The following KCNH1 variants were observed in gnomAD, a reference collection of about 807,000 sequenced individuals.
KCNH1 encodes voltage-gated delayed rectifier potassium channel KCNH1.
Under a neutral mutation model 69.2 loss-of-function variants are expected in KCNH1, and 27 were observed. The ratio of observed to expected loss-of-function variants is 0.39; its 90% CI spans 0.29 to 0.54. KCNH1 has a LOEUF of 0.54. KCNH1 is among the 20% of genes least tolerant of loss of function. The probability of loss-of-function intolerance (pLI) is 0.68; values close to 1 mark genes in which losing one functional copy is unlikely to be tolerated. For missense variants in KCNH1, 798 were observed against 1,261.6 expected, an observed-to-expected ratio of 0.63 and a Z score of 5.57; for synonymous variants, 456 against 487.7, an observed-to-expected ratio of 0.93 and a Z score of 0.86.
intron 7 of KCNH1, among the ~76,000 whole-genome samples, chr1:210,839,469 TA>T (rs767592432): frequency 1.1e-4 from 16 of 152,154 alleles, no homozygotes; most frequent in Non-Finnish European, 2.2e-4. Context: ...GAAGACTAGC[TA>T]ATGGATGCTG....
chr1:211,080,481 G>T (rs1690831435), intron 5 of KCNH1, among the ~76,000 whole-genome samples: 1 of 152,092 alleles, frequency 6.6e-6, no homozygotes, highest in African/African-American at 2.4e-5. Flanking sequence ...TAAAGTTCAT[G>T]TGGAACCAAA....
intron 6 of KCNH1, among the ~76,000 whole-genome samples, chr1:211,012,420 A>G (rs1439895463): frequency 6.6e-6 from 1 of 152,186 alleles, no homozygotes; most frequent in Non-Finnish European, 1.5e-5. Flanking sequence ...TGCTATTGCT[A>G]AATAAATCAT....
intron 1 of KCNH1, among the ~76,000 whole-genome samples, chr1:211,116,951 T>C (rs530808715): frequency 6.6e-6 from 1 of 152,270 alleles, no homozygotes; most frequent in African/African-American, 2.4e-5. Flanking sequence ...CAGTCTTCCA[T>C]TGAGTAAAAA....
chr1:210,987,149 ACTTCTC>A lies in KCNH1; in HGVS notation c.1032+31628_1032+31633del, dbSNP rs1282360910. On this transcript the variant is annotated intron_variant, in intron 6 of 10. Coordinates refer to ENST00000271751, the MANE Select transcript of KCNH1 (RefSeq NM_172362.3). ...TTCAGCTCCATCAGGTCCTTTAAGGACTTCTCTGCATTGGTTATTCTAGTTAGCCAT... is the reference window on the plus strand; with the variant it reads ...TTCAGCTCCATCAGGTCCTTTAAGGATGCATTGGTTATTCTAGTTAGCCAT... Among the ~76,000 whole-genome samples the A allele has an allele frequency of 3.3e-5, 5 of 151,936 alleles. No homozygotes were observed. In the East Asian group the frequency reaches 9.7e-4, roughly 29 times the overall value.
At chr1:211,023,973 G>A (rs547775663) in intron 5 of KCNH1, among the ~76,000 whole-genome samples, 43 of 152,228 alleles carry the variant, frequency 2.8e-4, no homozygotes, top group African/African-American at 8.9e-4. Flanking sequence ...AATGAAAAAT[G>A]TTTGAGGTGA....
At chr1:210,973,605 T>C (rs554075837) in intron 6 of KCNH1, among the ~76,000 whole-genome samples, 76 of 152,316 alleles carry the variant, frequency 5.0e-4, no homozygotes, top group African/African-American at 1.7e-3. Context: ...TGTAATTTCA[T>C]TGACCTTACC....
At chr1:210,853,946 C>CAAAAAAAAAAAAAAAACAAAAAAA (rs1685767518) in intron 7 of KCNH1, among the ~76,000 whole-genome samples, 2 of 61,534 alleles carry the variant, frequency 3.3e-5, no homozygotes, top group African/African-American at 7.4e-5. Context: ...TTATCTAAGC[C>CAAAAAAAAAAAAAAAACAAAAAAA]AAAAAAAAAA....
chr1:210,735,386 A>G (rs1305542580), intron 10 of KCNH1, among the ~76,000 whole-genome samples: 1 of 151,712 alleles, frequency 6.6e-6, no homozygotes, highest in African/African-American at 2.4e-5. Context: ...AAAGACATTC[A>G]ACAAATGTTT....
chr1:210,826,837 A>G (rs1445289829), intron 7 of KCNH1, among the ~76,000 whole-genome samples: 1 of 152,208 alleles, frequency 6.6e-6, no homozygotes, highest in African/African-American at 2.4e-5. Context: ...CCAGTGAGCA[A>G]TTACCTATCC....
chr1:210,704,065 C>T (rs1443585014), intron 10 of KCNH1, among the ~76,000 whole-genome samples: 1 of 152,124 alleles, frequency 6.6e-6, no homozygotes, highest in Non-Finnish European at 1.5e-5. Context: ...AATGCCAGGG[C>T]AAGGAGAGGT....
intron 7 of KCNH1, among the ~76,000 whole-genome samples, chr1:210,864,547 G>A (rs967524308): frequency 1.3e-5 from 2 of 152,142 alleles, no homozygotes; most frequent in Admixed American, 6.5e-5. Context: ...AACACTCAAC[G>A]GATGGTAACC....
At chr1:210,793,586 G>A (rs1172096986) in intron 9 of KCNH1, among the ~76,000 whole-genome samples, 7 of 152,050 alleles carry the variant, frequency 4.6e-5, no homozygotes, top group Non-Finnish European at 5.9e-5. Flanking sequence ...CCTTTTCTTC[G>A]TTCTTGGCAT....
rs756365509 is a variant in KCNH1 at position 210,797,689 on chromosome 1, C to T, written c.1734G>A (p.Glu578=). Residue 578 remains glutamate, a synonymous_variant, in exon 9 of 11, where the codon GAG becomes GAA. Coordinates refer to ENST00000271751, the MANE Select transcript of KCNH1 (RefSeq NM_172362.3). ...CVHLNRKVFK[E]HPAFRLASDG... ...CACTGGCCAGCCGGAAGGCCGGGTGCTCCTTGAACACCTTGCGGTTCAGGT... is the reference window on the plus strand; with the variant it reads ...CACTGGCCAGCCGGAAGGCCGGGTGTTCCTTGAACACCTTGCGGTTCAGGT... 1 of 1,614,256 alleles carries T rather than the reference C, an allele frequency of 6.2e-7. No homozygotes were observed. The highest frequency in any genetic ancestry group is 1.1e-5 in the South Asian group (1 of 91,084).
chr1:210,719,688 G>A (rs894781029), intron 10 of KCNH1, among the ~76,000 whole-genome samples: 5 of 151,918 alleles, frequency 3.3e-5, no homozygotes, highest in Admixed American at 6.6e-5. Context: ...TTCTGCACAT[G>A]TATCTCAGAA....
chr1:210,697,277 C>G (rs997683142), intron 10 of KCNH1, among the ~76,000 whole-genome samples: 4 of 152,156 alleles, frequency 2.6e-5, no homozygotes, highest in Admixed American at 6.5e-5. Flanking sequence ...CTGCTGGGCC[C>G]AAGAAACATG....
chr1:210,746,136 C>T (rs1402233027), intron 10 of KCNH1, among the ~76,000 whole-genome samples: 2 of 152,134 alleles, frequency 1.3e-5, no homozygotes, highest in Non-Finnish European at 2.9e-5. Context: ...GGTTGATCTT[C>T]AGGAACTGTC....
chr1:210,867,893 ATAGAC>A lies in KCNH1; in HGVS notation c.1462+51742_1462+51746del, dbSNP rs750714039. Among the ~76,000 whole-genome samples the A allele has an allele frequency of 2.2e-3, 331 of 152,166 alleles. 1 individual carries two copies. The highest frequency in any genetic ancestry group is 4.0e-3 in the Non-Finnish European group (273 of 67,896). ...TTGCTGAGAGTATTCCCTTATATAA[ATAGAC>A]TAAAGTTTGTTTTGCACTCATCTGC... On this transcript the variant is annotated intron_variant, in intron 7 of 10. Transcript: ENST00000271751.
At chr1:211,125,830 CAGTT>C (rs1558615429) in intron 1 of KCNH1, among the ~76,000 whole-genome samples, 1 of 152,202 alleles carries the variant, frequency 6.6e-6, no homozygotes, top group African/African-American at 2.4e-5. Context: ...AGGATTGACT[CAGTT>C]AATTTCAGAA....
At chr1:210,880,289 T>C (rs1049993627) in intron 7 of KCNH1, among the ~76,000 whole-genome samples, 7 of 152,092 alleles carry the variant, frequency 4.6e-5, no homozygotes, top group South Asian at 2.1e-4. Context: ...CAATATAACA[T>C]TGAAGGAGAA....
Sources: allele counts gnomAD v4.1 joint callset (sites outside exome capture counted in the v4.1 genomes callset), GRCh38; gene constraint gnomAD v4.1.1; transcripts MANE v1.5; gene names NCBI Gene and HGNC (gene_info 2026-07-23, HGNC 2026-07-21).